AXDND1: variants seen among roughly 807,000 people sequenced by gnomAD.
AXDND1 encodes the protein axonemal dynein light chain domain-containing protein 1.
Under a neutral mutation model 137.5 loss-of-function variants are expected in AXDND1, and 110 were observed. The ratio of observed to expected loss-of-function variants is 0.80; its 90% CI spans 0.69 to 0.94. The LOEUF is 0.94. Ranked by LOEUF, AXDND1 falls within the 40% of genes least tolerant of loss-of-function variation. AXDND1 has a pLI of 0.00. For missense variants in AXDND1, 1,191 were observed against 1,169.8 expected (o/e 1.02, Z -0.26); for synonymous variants, 414 against 399.7 (o/e 1.04, Z -0.43).
chr1:179,531,314 T>C (rs1267161933), intron 23 of AXDND1, among the ~76,000 whole-genome samples: 5 of 152,208 alleles, frequency 3.3e-5, no homozygotes, highest in Admixed American at 3.3e-4. Flanking sequence ...GTTGCAAATC[T>C]TGTGACCTCT....
Position 179,395,104 on chromosome 1 carries a change from G to T in AXDND1, c.1011G>T (p.Leu337=). The change falls in exon 11 of 26, where the codon CTG becomes CTT. Residue 337 remains leucine (L), a synonymous_variant. Transcript: ENST00000367618. The part of the protein sequence containing the change: ...KHVIEELTRE[L]CLVRAHDVKL... ...TTTCTTTGCTTTATTTCAGGGAACT[G>T]TGTCTAGTTCGGGCACATGATGTGA... The T allele has an allele frequency of 6.2e-7, 1 of 1,607,240 alleles. No homozygotes were observed. The highest frequency in any genetic ancestry group is 8.5e-7 in the Non-Finnish European group (1 of 1,177,714).
intron 15 of AXDND1, among the ~76,000 whole-genome samples, chr1:179,442,874 C>G (rs1327387584): frequency 6.6e-6 from 1 of 152,058 alleles, no homozygotes; most frequent in Non-Finnish European, 1.5e-5. Flanking sequence ...GAATAAAAGA[C>G]AAGAGACAAA....
intron 25 of AXDND1, chr1:179,543,346 G>T (rs1438763221): frequency 6.6e-6 from 1 of 152,224 alleles, no homozygotes; most frequent in African/African-American, 2.4e-5. Context: ...GGGGTCTACA[G>T]TTGGGTGTGG....
In AXDND1 at chr1:179,432,322, G is replaced by A; in HGVS notation, c.1543G>A (p.Asp515Asn). The A allele has an allele frequency of 6.4e-7, 1 of 1,570,884 alleles. No homozygotes were observed. The highest frequency in any genetic ancestry group is 2.3e-5 in the East Asian group (1 of 43,678). Residue 515 changes from aspartate (D) to asparagine (N), a missense_variant, in exon 15 of 26, where the codon GAC (aspartate) becomes AAC (asparagine). Physicochemically the swap from Asp to Asn is conservative, Grantham distance 23. Coordinates refer to ENST00000367618, the MANE Select transcript of AXDND1 (RefSeq NM_144696.6). ...KGNIFNSVLL[D>N]FKQWQKILNE... The stretch of plus-strand genomic sequence containing the variant: ...AAATATATTTAATTCAGTTCTTTTA[G>A]ACTTCAAACAGTGGCAGAAGGTAAG...
intron 4 of AXDND1, among the ~76,000 whole-genome samples, chr1:179,371,695 G>A (rs1668055185): frequency 6.6e-6 from 1 of 152,154 alleles, no homozygotes; most frequent in Admixed American, 6.5e-5. Flanking sequence ...AGTGGAAAAG[G>A]AAGGCAGTCA....
chr1:179,528,166 C>T (rs912945182), intron 22 of AXDND1, among the ~76,000 whole-genome samples, 161 bp from the exon 23 acceptor site: 1 of 152,230 alleles, frequency 6.6e-6, no homozygotes. Context: ...TTTTTCACAG[C>T]GTTTGCTATG....
chr1:179,491,574 G>C lies in AXDND1; in HGVS notation c.2128G>C (p.Val710Leu). The change falls in exon 19 of 26, where the codon GTA becomes CTA. Residue 710 changes from valine to leucine, a missense_variant. By Grantham distance (32) the Val-to-Leu change is conservative. Coordinates refer to ENST00000367618, the MANE Select transcript of AXDND1 (RefSeq NM_144696.6). ...ELHISMIQWM[V>L]NLLILMIPNF... ...ACATATATCTATGATCCAGTGGATG[G>C]TAAACTTGCTGATTTTAATGATACC... The C allele has an allele frequency of 6.2e-7, 1 of 1,612,250 alleles. No individual in the cohort carries two copies. Among genetic ancestry groups the C allele is most frequent in the Non-Finnish European group, 8.5e-7 (1 of 1,178,406 alleles).
At chr1:179,479,497 G>C (rs969940813) in intron 17 of AXDND1, among the ~76,000 whole-genome samples, 1 of 144,366 alleles carries the variant, frequency 6.9e-6, no homozygotes. Flanking sequence ...AAGGAAAAAG[G>C]CTGGGTGTGG....
intron 16 of AXDND1, among the ~76,000 whole-genome samples, chr1:179,458,845 C>T (rs76572353): frequency 0.021 from 3,123 of 149,008 alleles, 52 homozygotes; most frequent in Non-Finnish European, 0.033. Context: ...GATGAGGATG[C>T]TTGATATCAA....
intron 9 of AXDND1, among the ~76,000 whole-genome samples, chr1:179,387,846 A>G (rs1425122398): frequency 6.6e-6 from 1 of 152,126 alleles, no homozygotes; most frequent in Non-Finnish European, 1.5e-5. Flanking sequence ...CTTACCTCTG[A>G]TCCTTTTGGG....
intron 21 of AXDND1, among the ~76,000 whole-genome samples, chr1:179,517,771 C>G (rs1377683403): frequency 6.6e-6 from 1 of 152,232 alleles, no homozygotes; most frequent in Non-Finnish European, 1.5e-5. Context: ...TTCCCACTTT[C>G]GCAGTTTGGG....
chr1:179,530,008 G>A (rs1670902926), intron 23 of AXDND1, among the ~76,000 whole-genome samples: 1 of 152,158 alleles, frequency 6.6e-6, no homozygotes, highest in South Asian at 2.1e-4. Flanking sequence ...AGAGGGAGCA[G>A]TGGGAATGGA....
At chr1:179,460,440 A>G (rs554554231) in intron 16 of AXDND1, among the ~76,000 whole-genome samples, 1 of 152,244 alleles carries the variant, frequency 6.6e-6, no homozygotes, top group Non-Finnish European at 1.5e-5. Context: ...CTTAATCCCC[A>G]GTCTATCACT....
In AXDND1 at chr1:179,466,311, G is replaced by T. The variant is rs60964276; in HGVS notation, c.1799-2132G>T. 3.6e-3 allele frequency among the ~76,000 whole-genome samples: 437 copies of T among 122,904 alleles called. 5 individuals are homozygous for T. The highest frequency in any genetic ancestry group is 0.012 in the African/African-American group (410 of 33,512). 80.6% of individuals were successfully genotyped at this position (122,904 alleles called of 152,430 possible). A position where few individuals can be genotyped will look rare whatever the true frequency, so the allele number is the denominator to read the frequency against. On this transcript the variant is annotated intron_variant, in intron 16 of 25. Coordinates refer to ENST00000367618, the MANE Select transcript of AXDND1 (RefSeq NM_144696.6). ...TTTTTTTTTTTTTTTTTTGAGATGG[G>T]GTCTAATTATGTTGCCTAGGCTGCT... is the stretch of plus-strand genomic sequence containing the variant.
intron 15 of AXDND1, among the ~76,000 whole-genome samples, chr1:179,433,161 A>G (rs937550997): frequency 9.2e-5 from 14 of 152,002 alleles, no homozygotes; most frequent in Non-Finnish European, 1.9e-4. Context: ...ATTTGCATAG[A>G]GGTGTTTATA....
At chr1:179,496,113 T>C (rs1384535620) in intron 20 of AXDND1, among the ~76,000 whole-genome samples, 1 of 151,982 alleles carries the variant, frequency 6.6e-6, no homozygotes, top group Non-Finnish European at 1.5e-5. Context: ...GCAAATTCAA[T>C]TGATTGATTG....
chr1:179,483,289 A>G, intron 18 of AXDND1, 68 bp downstream of exon 18: 1 of 1,030,250 alleles, frequency 9.7e-7, no homozygotes, highest in Non-Finnish European at 1.4e-6. Context: ...AAGGAAAAAT[A>G]ATGCTCTCCC....
chr1:179,471,279 G>A (rs1558230915), intron 17 of AXDND1, among the ~76,000 whole-genome samples: 1 of 152,108 alleles, frequency 6.6e-6, no homozygotes, highest in Admixed American at 6.5e-5. Flanking sequence ...TTATCTTTTG[G>A]AAGATATTGT....
chr1:179,476,234 A>G (rs1444174259), intron 17 of AXDND1, among the ~76,000 whole-genome samples: 1 of 152,144 alleles, frequency 6.6e-6, no homozygotes, highest in Non-Finnish European at 1.5e-5. Flanking sequence ...TAAATTTACC[A>G]TCTGTCATCA....
Sources: gnomAD v4.1 joint callset for allele counts (sites outside exome capture counted in the v4.1 genomes callset) on GRCh38, gnomAD v4.1.1 for gene constraint, MANE v1.5 for transcripts, NCBI Gene and HGNC (gene_info 2026-07-23, HGNC 2026-07-21) for gene names.